PLXDC2: variants seen among roughly 807,000 people sequenced by gnomAD.
PLXDC2 encodes plexin domain containing 2.
In PLXDC2, 40 loss-of-function variants were observed where a neutral mutation model predicts 68.9. The observed-to-expected ratio is 0.58, with a 90% CI of 0.45 to 0.76. The LOEUF is 0.76. PLXDC2 is among the 30% of genes least tolerant of loss of function. The pLI, the probability that PLXDC2 is intolerant of heterozygous loss-of-function variation, is 0.00. For synonymous variants in PLXDC2, 243 were observed against 234.2 expected, an observed-to-expected ratio of 1.04 and a Z score of -0.34; for missense variants, 644 against 661.9, an observed-to-expected ratio of 0.97 and a Z score of 0.30.
intron 1 of PLXDC2, among the ~76,000 whole-genome samples, chr10:19,986,546 A>AG (rs1187606910): frequency 1.6e-5 from 2 of 123,646 alleles, no homozygotes; most frequent in Non-Finnish European, 3.8e-5. Flanking sequence ...TTAAAAAAAA[A>AG]ACAAAGAAAA....
At chr10:20,064,224 CTTT>C (rs368874136) in intron 3 of PLXDC2, among the ~76,000 whole-genome samples, 1 of 138,720 alleles carries the variant, frequency 7.2e-6, no homozygotes, top group Admixed American at 7.2e-5. Flanking sequence ...CATTTCTTTT[CTTT>C]TTTTTTTTTT....
intron 12 of PLXDC2, among the ~76,000 whole-genome samples, chr10:20,224,620 A>G (rs116236563): frequency 0.015 from 2,301 of 152,288 alleles, 50 homozygotes; most frequent in African/African-American, 0.049. Flanking sequence ...ATTGAAAACT[A>G]AAGTCTTCAA....
intron 1 of PLXDC2, among the ~76,000 whole-genome samples, chr10:19,942,278 A>G (rs1434422404): frequency 6.6e-6 from 1 of 152,236 alleles, no homozygotes; most frequent in Non-Finnish European, 1.5e-5. Context: ...ATAGTGCAAC[A>G]TAATCCCTTC....
At chr10:20,021,409 G>A (rs1173058701) in intron 2 of PLXDC2, among the ~76,000 whole-genome samples, 1 of 152,030 alleles carries the variant, frequency 6.6e-6, no homozygotes, top group Non-Finnish European at 1.5e-5. Context: ...TTGTCCTAAT[G>A]CTTTCCCTCC....
At chr10:20,165,634 G>A (rs1347146708) in intron 7 of PLXDC2, among the ~76,000 whole-genome samples, 1 of 152,094 alleles carries the variant, frequency 6.6e-6, no homozygotes, top group African/African-American at 2.4e-5. Context: ...AACTGTTTGG[G>A]AGTCTAAAGG....
At chr10:19,852,757 T>C (rs1837146233) in intron 1 of PLXDC2, among the ~76,000 whole-genome samples, 1 of 152,216 alleles carries the variant, frequency 6.6e-6, no homozygotes, top group Non-Finnish European at 1.5e-5. Context: ...TGATGGAGTT[T>C]ATTATTTTGT....
intron 1 of PLXDC2, among the ~76,000 whole-genome samples, chr10:19,923,226 T>G (rs921428101): frequency 1.3e-5 from 2 of 152,210 alleles, no homozygotes; most frequent in Non-Finnish European, 2.9e-5. Context: ...TTTGCTTTAT[T>G]GACAATCCAC....
intron 4 of PLXDC2, among the ~76,000 whole-genome samples, chr10:20,130,125 A>G (rs1833847828): frequency 1.3e-5 from 2 of 151,630 alleles, no homozygotes; most frequent in Non-Finnish European, 2.9e-5. Flanking sequence ...AATATTTTTA[A>G]TTTTCAATTC....
intron 12 of PLXDC2, among the ~76,000 whole-genome samples, chr10:20,235,595 G>A (rs559614710): frequency 5.4e-4 from 82 of 152,202 alleles, no homozygotes; most frequent in African/African-American, 1.9e-3. Context: ...AAAAGATGCC[G>A]CTCCTTTAGG....
At chr10:20,126,322 T>C (rs111217761) in intron 4 of PLXDC2, among the ~76,000 whole-genome samples, 4,153 of 146,600 alleles carry the variant, frequency 0.028, 176 homozygotes, top group Middle Eastern at 0.079. Context: ...TTATATAATA[T>C]ATACATATAC....
Position 20,077,307 on chromosome 10 carries a change from A to G in PLXDC2, c.541+9068A>G, listed in dbSNP as rs1339768454. Among the ~76,000 whole-genome samples the G allele has an allele frequency of 6.6e-5, 10 of 152,246 alleles. No individual in the cohort carries two copies. In the East Asian group the frequency reaches 1.7e-3, roughly 26 times the overall value. On this transcript the variant is annotated intron_variant, in intron 4 of 13. Coordinates refer to ENST00000377252, the MANE Select transcript of PLXDC2 (RefSeq NM_032812.9). ...ACAGATTTCTTTATGTGTAGTCATT[A>G]TTTCATTACTACCTTTATTTTCAAG... is the stretch of plus-strand genomic sequence containing the variant.
chr10:19,911,068 C>T (rs977641848), intron 1 of PLXDC2, among the ~76,000 whole-genome samples: 2 of 151,658 alleles, frequency 1.3e-5, no homozygotes, highest in African/African-American at 4.8e-5. Context: ...TCATCTCGTT[C>T]TCAAAAGTTT....
At chr10:20,224,205 C>G (rs1393902146) in intron 12 of PLXDC2, among the ~76,000 whole-genome samples, 1 of 152,068 alleles carries the variant, frequency 6.6e-6, no homozygotes, top group East Asian at 1.9e-4. Flanking sequence ...AACTCTTGAC[C>G]TCGGGTGATC....
At chr10:20,189,504 T>TATATATATATACAC (rs1554773611) in intron 9 of PLXDC2, among the ~76,000 whole-genome samples, 30 of 121,594 alleles carry the variant, frequency 2.5e-4, no homozygotes, top group African/African-American at 4.2e-4. Flanking sequence ...TATATATATA[T>TATATATATATACAC]ACACATACAC....
intron 4 of PLXDC2, among the ~76,000 whole-genome samples, chr10:20,114,966 T>C (rs1833603461): frequency 6.6e-6 from 1 of 152,214 alleles, no homozygotes; most frequent in South Asian, 2.1e-4. Flanking sequence ...AACTGACCCG[T>C]CTATCCTTAA....
chr10:19,961,584 T>C (rs748927793), intron 1 of PLXDC2, among the ~76,000 whole-genome samples: 1 of 152,238 alleles, frequency 6.6e-6, no homozygotes, highest in African/African-American at 2.4e-5. Flanking sequence ...CTAGGTTAAC[T>C]TTCCAGGAAG....
At chr10:19,910,000 C>A (rs1422041098) in intron 1 of PLXDC2, among the ~76,000 whole-genome samples, 1 of 151,982 alleles carries the variant, frequency 6.6e-6, no homozygotes, top group African/African-American at 2.4e-5. Context: ...AACATAAAAT[C>A]AAAAATCCGT....
At chr10:19,846,097 T>G in intron 1 of PLXDC2, among the ~76,000 whole-genome samples, 2 of 152,274 alleles carry the variant, frequency 1.3e-5, no homozygotes, top group Admixed American at 1.3e-4. Context: ...TTTACAAAGC[T>G]GCACTCAAAG....
chr10:19,875,829 A>C (rs1040972015), intron 1 of PLXDC2, among the ~76,000 whole-genome samples: 1 of 152,190 alleles, frequency 6.6e-6, no homozygotes, highest in African/African-American at 2.4e-5. Context: ...GAGATGAGAG[A>C]TTTTTGTCCT....
Sources: gnomAD v4.1 joint callset for allele counts (sites outside exome capture counted in the v4.1 genomes callset) on GRCh38, gnomAD v4.1.1 for gene constraint, MANE v1.5 for transcripts, NCBI Gene and HGNC (gene_info 2026-07-23, HGNC 2026-07-21) for gene names.